MYO16: variants seen among roughly 807,000 people sequenced by gnomAD.
MYO16 encodes the protein unconventional myosin-XVI.
A neutral mutation model predicts 205.3 loss-of-function variants in MYO16; 94 were observed. The ratio of observed to expected loss-of-function variants is 0.46; its 90% CI spans 0.39 to 0.54. The LOEUF (loss-of-function observed/expected upper bound fraction) is 0.54. Ranked by LOEUF, MYO16 falls within the 20% of genes least tolerant of loss-of-function variation. MYO16 has a pLI of 0.00. For missense variants in MYO16, 2,315 were observed against 2,387.5 expected (o/e 0.97, Z 0.63); for synonymous variants, 988 against 954.0 (o/e 1.04, Z -0.66).
chr13:109,089,203 T>TATTATTATTGTC (rs1227470841), intron 27 of MYO16, among the ~76,000 whole-genome samples: 3 of 150,996 alleles, frequency 2.0e-5, no homozygotes, highest in Non-Finnish European at 4.4e-5. Context: ...TTATTATTAT[T>TATTATTATTGTC]ATTATTATTA....
At chr13:108,750,414 C>G (rs1594263204) in intron 4 of MYO16, among the ~76,000 whole-genome samples, 1 of 152,012 alleles carries the variant, frequency 6.6e-6, no homozygotes, top group African/African-American at 2.4e-5. Context: ...AGGCTAAAGC[C>G]AAACATCTTT....
At chr13:108,785,013 A>G (rs1432712045) in intron 4 of MYO16, among the ~76,000 whole-genome samples, 1 of 152,190 alleles carries the variant, frequency 6.6e-6, no homozygotes, top group African/African-American at 2.4e-5. Flanking sequence ...GGACCTTGGA[A>G]GCTAAAACAT....
intron 16 of MYO16, among the ~76,000 whole-genome samples, chr13:108,941,731 C>T (rs1192330524): frequency 6.6e-6 from 1 of 150,414 alleles, no homozygotes; most frequent in East Asian, 1.9e-4. Context: ...CATGAAGGGG[C>T]CAGAAAATGG....
chr13:108,724,064 C>T (rs1436660991), intron 3 of MYO16, among the ~76,000 whole-genome samples: 2 of 152,152 alleles, frequency 1.3e-5, no homozygotes, highest in Non-Finnish European at 2.9e-5. Flanking sequence ...CTAAGTATTT[C>T]AATATTCTTA....
chr13:108,629,772 T>C lies in MYO16; in HGVS notation c.-73T>C. ...CTGAGTAAGGGCTTTAAGTAATGCA[T>C]TTCCTGGGAACGACAGTTGTGACAG... On this transcript the variant is annotated 5_prime_UTR_variant, in exon 1 of 35. Coordinates refer to ENST00000457511, the MANE Select transcript of MYO16 (RefSeq NM_001198950.3). 12 of 1,422,430 alleles carry C rather than the reference T, an allele frequency of 8.4e-6. No individual in the cohort carries two copies. Among genetic ancestry groups the C allele is most frequent in the Non-Finnish European group, 1.0e-5 (11 of 1,048,042 alleles). The allele number at this position is 1,422,430 out of a possible 1,614,324, so 88.1% of individuals were successfully genotyped here.
At position 108,760,801 on chromosome 13, in the gene MYO16, C is replaced by T. The variant is rs756634101; in HGVS notation, c.508-24834C>T. On this transcript the variant is annotated intron_variant, in intron 4 of 34. Coordinates refer to ENST00000457511, the MANE Select transcript of MYO16 (RefSeq NM_001198950.3). ...TGTTTGTTTGTACCTGTTAATCAAT[C>T]GCTTTTTATCTTCTCTCCCACCCTT... 2.5e-3 allele frequency among the ~76,000 whole-genome samples: 386 copies of T among 152,240 alleles called. 8 individuals are homozygous for T. Among genetic ancestry groups the T allele is most frequent in the Non-Finnish European group, 1.5e-3 (100 of 68,006 alleles).
chr13:108,940,212 C>T (rs1184440486), intron 16 of MYO16, among the ~76,000 whole-genome samples: 3 of 152,082 alleles, frequency 2.0e-5, no homozygotes, highest in Non-Finnish European at 4.4e-5. Context: ...GGACAAGATT[C>T]AGATATCACA....
chr13:108,550,690 G>T, the MYO16 span, among the ~76,000 whole-genome samples: 3 of 152,134 alleles, frequency 2.0e-5, no homozygotes, highest in African/African-American at 7.2e-5. Flanking sequence ...ATTATCATTT[G>T]TCTTTTATTT....
intron 12 of MYO16, among the ~76,000 whole-genome samples, chr13:108,878,484 C>G (rs1191111723): frequency 6.6e-6 from 1 of 152,156 alleles, no homozygotes; most frequent in African/African-American, 2.4e-5. Flanking sequence ...GAGCCACCTC[C>G]ACCACTCAAT....
At chr13:108,741,002 G>A (rs1884889020) in intron 4 of MYO16, among the ~76,000 whole-genome samples, 1 of 152,140 alleles carries the variant, frequency 6.6e-6, no homozygotes, top group Non-Finnish European at 1.5e-5. Flanking sequence ...ATTAGGGTGG[G>A]AGTGACCCGA....
chr13:108,505,668 G>A, the MYO16 span, among the ~76,000 whole-genome samples: 1 of 151,818 alleles, frequency 6.6e-6, no homozygotes, highest in South Asian at 2.1e-4. Context: ...ACAGATTTTT[G>A]GTTTGATGTA....
chr13:109,107,802 T>A (rs1219666146), intron 28 of MYO16, among the ~76,000 whole-genome samples: 1 of 138,506 alleles, frequency 7.2e-6, no homozygotes, highest in Non-Finnish European at 1.5e-5. Flanking sequence ...GGAATCACCA[T>A]ATATATTCAT....
intron 23 of MYO16, among the ~76,000 whole-genome samples, chr13:109,043,846 T>G (rs565773749): frequency 6.6e-6 from 1 of 152,258 alleles, no homozygotes; most frequent in East Asian, 1.9e-4. Flanking sequence ...TTCAGAGATT[T>G]CAAGTGAGAG....
In MYO16 at chr13:108,863,550, G is replaced by A. The variant is rs376103253; in HGVS notation, c.1360-2627G>A. 5.9e-5 allele frequency among the ~76,000 whole-genome samples: 9 copies of A among 152,084 alleles called. No homozygotes were observed. In the South Asian group the frequency reaches 8.3e-4, roughly 14 times the overall value. On this transcript the variant is annotated intron_variant, in intron 11 of 34. Coordinates refer to ENST00000457511, the MANE Select transcript of MYO16 (RefSeq NM_001198950.3). ...CATTTCTAGAATAAAGCTATTTGAGGTGTATTATCATTATTACTAAATTGC... is the reference window on the plus strand; with the variant it reads ...CATTTCTAGAATAAAGCTATTTGAGATGTATTATCATTATTACTAAATTGC...
At chr13:108,739,050 C>T (rs184912634) in intron 4 of MYO16, among the ~76,000 whole-genome samples, 2 of 152,108 alleles carry the variant, frequency 1.3e-5, no homozygotes, top group African/African-American at 4.8e-5. Context: ...TGAGATGGGT[C>T]TCCTGTATAC....
At chr13:108,897,850 G>A (rs975397889) in intron 14 of MYO16, among the ~76,000 whole-genome samples, 166 bp from the exon 15 acceptor site, 1 of 152,226 alleles carries the variant, frequency 6.6e-6, no homozygotes, top group East Asian at 1.9e-4. Flanking sequence ...GATGCTAGTG[G>A]CTTGCCTTTG....
chr13:108,719,167 A>G (rs561578519), intron 3 of MYO16, among the ~76,000 whole-genome samples: 40 of 152,140 alleles, frequency 2.6e-4, no homozygotes, highest in Non-Finnish European at 4.9e-4. Flanking sequence ...GAAGGCAGAT[A>G]ACAAGGCATT....
At chr13:108,764,570 G>A (rs1020223441) in intron 4 of MYO16, among the ~76,000 whole-genome samples, 3 of 152,092 alleles carry the variant, frequency 2.0e-5, no homozygotes, top group South Asian at 2.1e-4. Flanking sequence ...CCTGTGGTAC[G>A]TATCAGGGGA....
chr13:109,060,852 A>G (rs1362761301), intron 27 of MYO16, among the ~76,000 whole-genome samples: 3 of 152,146 alleles, frequency 2.0e-5, no homozygotes, highest in Non-Finnish European at 2.9e-5. Context: ...GAAGCCAGGT[A>G]TTGTCCCATC....
Sources: allele counts gnomAD v4.1 joint callset (sites outside exome capture counted in the v4.1 genomes callset), GRCh38; gene constraint gnomAD v4.1.1; transcripts MANE v1.5; gene names NCBI Gene and HGNC (gene_info 2026-07-23, HGNC 2026-07-21).